Variants in B3GALT1 observed in about 807,000 individuals in gnomAD.
B3GALT1 encodes the protein UDP-Gal:betaGlcNAc beta 1,3-galactosyltransferase, polypeptide 1.
A neutral mutation model predicts 23.2 loss-of-function variants in B3GALT1; 10 were observed. That is an observed-to-expected ratio of 0.43 (90% CI 0.27 to 0.73). The LOEUF is 0.73. Ranked by LOEUF, B3GALT1 falls within the 30% of genes least tolerant of loss-of-function variation. The pLI is 0.21. For synonymous variants in B3GALT1, 156 were observed against 141.5 expected (o/e 1.10, Z -0.73); for missense variants, 299 against 405.4 (o/e 0.74, Z 2.25).
intron 2 of B3GALT1, among the ~76,000 whole-genome samples, chr2:167,521,440 A>G (rs1211329944): frequency 6.6e-6 from 1 of 152,122 alleles, no homozygotes; most frequent in Non-Finnish European, 1.5e-5. Context: ...TAATGGCTGT[A>G]TAATCTTCCA....
At chr2:167,669,728 T>C (rs1686287941) in intron 3 of B3GALT1, among the ~76,000 whole-genome samples, 1 of 152,148 alleles carries the variant, frequency 6.6e-6, no homozygotes, top group Non-Finnish European at 1.5e-5. Context: ...AGATAACCAA[T>C]TTTTTTCATC....
chr2:167,855,385 T>G (rs1209796568), intron 4 of B3GALT1, among the ~76,000 whole-genome samples: 1 of 152,152 alleles, frequency 6.6e-6, no homozygotes, highest in Non-Finnish European at 1.5e-5. Flanking sequence ...TTGCTTAATC[T>G]CTCCAGGCCT....
At chr2:167,420,654 C>T (rs1468086406) in intron 1 of B3GALT1, among the ~76,000 whole-genome samples, 3 of 152,138 alleles carry the variant, frequency 2.0e-5, no homozygotes, top group Non-Finnish European at 4.4e-5. Context: ...CCTAGCATGG[C>T]CGTGGTAAGC....
intron 2 of B3GALT1, among the ~76,000 whole-genome samples, chr2:167,558,718 C>A (rs1445522891): frequency 6.6e-6 from 1 of 152,200 alleles, no homozygotes; most frequent in Admixed American, 6.5e-5. Context: ...GCACAGCAGT[C>A]TGAGATCAAA....
At chr2:167,557,129 A>C (rs953363748) in intron 2 of B3GALT1, among the ~76,000 whole-genome samples, 2 of 152,092 alleles carry the variant, frequency 1.3e-5, no homozygotes, top group Admixed American at 6.6e-5. Flanking sequence ...GGTTATCTAC[A>C]TAAGTACATT....
At chr2:167,663,896 TC>T (rs1236083980) in intron 3 of B3GALT1, among the ~76,000 whole-genome samples, 2 of 151,744 alleles carry the variant, frequency 1.3e-5, no homozygotes, top group Non-Finnish European at 3.0e-5. Context: ...GAAAATTTTC[TC>T]CCATTTTGTG....
At chr2:167,765,041 C>T (rs1300570397) in intron 3 of B3GALT1, among the ~76,000 whole-genome samples, 3 of 152,140 alleles carry the variant, frequency 2.0e-5, no homozygotes, top group African/African-American at 7.2e-5. Flanking sequence ...GAAAACCGTT[C>T]ACGCTGGCAT....
intron 2 of B3GALT1, among the ~76,000 whole-genome samples, chr2:167,502,618 T>A (rs2105349026): frequency 6.6e-6 from 1 of 152,138 alleles, no homozygotes; most frequent in African/African-American, 2.4e-5. Context: ...AAGGGGGAAG[T>A]GCCACACACT....
At chr2:167,537,015 C>A (rs1008557096) in intron 2 of B3GALT1, among the ~76,000 whole-genome samples, 1 of 152,108 alleles carries the variant, frequency 6.6e-6, no homozygotes, top group Non-Finnish European at 1.5e-5. Context: ...AACTCTGAAG[C>A]CTAACATGGT....
chr2:167,662,184 G>A (rs1052089267), intron 3 of B3GALT1, among the ~76,000 whole-genome samples: 30 of 151,856 alleles, frequency 2.0e-4, no homozygotes, highest in African/African-American at 7.2e-4. Context: ...TAACATTATT[G>A]TTGCCCCATG....
intron 1 of B3GALT1, among the ~76,000 whole-genome samples, chr2:167,437,106 A>G (rs1351357869): frequency 6.6e-6 from 1 of 152,068 alleles, no homozygotes; most frequent in Non-Finnish European, 1.5e-5. Context: ...ATGCAAGGTG[A>G]CAGCTGTGGA....
intron 1 of B3GALT1, among the ~76,000 whole-genome samples, chr2:167,427,729 T>C (rs1698645417): frequency 6.6e-6 from 1 of 152,130 alleles, no homozygotes; most frequent in Non-Finnish European, 1.5e-5. Context: ...AGATGGAGTT[T>C]TGCTATGTTG....
intron 1 of B3GALT1, among the ~76,000 whole-genome samples, chr2:167,345,292 G>A (rs1697210865): frequency 6.6e-6 from 1 of 152,000 alleles, no homozygotes; most frequent in Non-Finnish European, 1.5e-5. Context: ...AGGTGGCCTG[G>A]TTAATTTTCA....
At chr2:167,802,916 G>C (rs1271700983) in intron 3 of B3GALT1, among the ~76,000 whole-genome samples, 1 of 144,268 alleles carries the variant, frequency 6.9e-6, no homozygotes, top group Non-Finnish European at 1.5e-5. Context: ...AAATAAATTA[G>C]TATTTTTTTA....
intron 3 of B3GALT1, among the ~76,000 whole-genome samples, chr2:167,807,776 A>T (rs1228902796): frequency 6.6e-6 from 1 of 152,218 alleles, no homozygotes; most frequent in Non-Finnish European, 1.5e-5. Context: ...TGGTGCTGAG[A>T]AGAATGTATA....
At chr2:167,410,124 C>T (rs950183486) in intron 1 of B3GALT1, among the ~76,000 whole-genome samples, 2 of 152,082 alleles carry the variant, frequency 1.3e-5, no homozygotes, top group Non-Finnish European at 2.9e-5. Context: ...ATGTCCTTTG[C>T]AGGGACATGG....
chr2:167,611,568 T>C (rs1685067285), intron 2 of B3GALT1, among the ~76,000 whole-genome samples: 1 of 152,026 alleles, frequency 6.6e-6, no homozygotes, highest in African/African-American at 2.4e-5. Context: ...AATATAAGTA[T>C]AAAGATTATT....
At chr2:167,750,857 A>G (rs994910829) in intron 3 of B3GALT1, among the ~76,000 whole-genome samples, 3 of 152,058 alleles carry the variant, frequency 2.0e-5, no homozygotes, top group African/African-American at 7.2e-5. Flanking sequence ...TCTCACTCAA[A>G]GTCCCAGAAT....
chr2:167,464,050 T>C (rs774749785), intron 1 of B3GALT1, among the ~76,000 whole-genome samples: 2 of 152,210 alleles, frequency 1.3e-5, no homozygotes, highest in Non-Finnish European at 2.9e-5. Context: ...CCATCTTTAA[T>C]CTTTTATATA....
Sources: gnomAD v4.1 joint callset for allele counts (sites outside exome capture counted in the v4.1 genomes callset) on GRCh38, gnomAD v4.1.1 for gene constraint, MANE v1.5 for transcripts, NCBI Gene and HGNC (gene_info 2026-07-23, HGNC 2026-07-21) for gene names.